The following SEL1L2 variants were observed in gnomAD, a reference collection of about 807,000 sequenced individuals.
SEL1L2 encodes SEL1L2 adaptor subunit of SYVN1 ubiquitin ligase, also known as protein sel-1 homolog 2.
In SEL1L2, 89 loss-of-function variants were observed where a neutral mutation model predicts 98.8. The observed-to-expected ratio is 0.90, with a 90% CI of 0.76 to 1.07. The LOEUF (loss-of-function observed/expected upper bound fraction) is 1.07. Among genes scored for constraint, SEL1L2 ranks in the 50% least tolerant of loss-of-function variants. The probability of loss-of-function intolerance (pLI) is 0.00; values close to 1 mark genes in which losing one functional copy is unlikely to be tolerated. For missense variants in SEL1L2, 788 were observed against 812.0 expected (o/e 0.97, Z 0.36); for synonymous variants, 262 against 278.5 (o/e 0.94, Z 0.59).
rs533909209 is a variant in SEL1L2, at chr20:13,889,303, T to G, written c.550-791A>C. Among the ~76,000 whole-genome samples, 6 of 152,242 alleles carry G rather than the reference T, an allele frequency of 3.9e-5. No individual in the cohort carries two copies. The South Asian group carries it at 1.2e-3, about 32-fold the overall frequency. ...GCCTGGCCATTGTTAATTTATTTTT[T>G]ATACTATAACAGCACCCTTTTACAT... On this transcript the variant is annotated intron_variant, in intron 5 of 19. Transcript: ENST00000284951.
chr20:13,870,196 G>T lies in SEL1L2; in HGVS notation c.1112C>A (p.Ala371Glu). ...AAGACCAAGCCCATGAAGGCCGATT[G>T]CATTGCCCTAGAAGAGTTTTATAAA... ...YFSMAASKGN[A>E]IGLHGLGLLY... Residue 371 changes from alanine to glutamate, a missense_variant, in exon 13 of 20, where the codon GCA becomes GAA. Coordinates refer to ENST00000284951, the MANE Select transcript of SEL1L2 (RefSeq NM_025229.2). The T allele has an allele frequency of 6.2e-7, 1 of 1,610,432 alleles. No individual in the cohort carries two copies. The highest frequency in any genetic ancestry group is 1.1e-5 in the South Asian group (1 of 90,566).
Position 13,946,880 on chromosome 20 carries a change from G to A in SEL1L2, c.114+9196C>T, listed in dbSNP as rs147672884. ...GTGTGTGTGCACTTAGGGTGGTGCT[G>A]ACATGCCAGCTCCCTGCTGCCTCAG... is the stretch of plus-strand genomic sequence containing the variant. On this transcript the variant is annotated intron_variant, in intron 2 of 19. Coordinates refer to ENST00000284951, the MANE Select transcript of SEL1L2 (RefSeq NM_025229.2). Among the ~76,000 whole-genome samples the A allele has an allele frequency of 9.8e-5, 15 of 152,338 alleles. No homozygotes were observed. The East Asian group carries it at 2.9e-3, about 29-fold the overall frequency.
At chr20:13,942,629 A>G (rs2049831893) in intron 2 of SEL1L2, among the ~76,000 whole-genome samples, 1 of 151,222 alleles carries the variant, frequency 6.6e-6, no homozygotes, top group South Asian at 2.1e-4. Context: ...AACATTAAAT[A>G]ATACAAAAAT....
chr20:13,962,177 A>G (rs1014709305), intron 1 of SEL1L2, among the ~76,000 whole-genome samples: 1 of 152,176 alleles, frequency 6.6e-6, no homozygotes, highest in African/African-American at 2.4e-5. Context: ...TGTTACAACA[A>G]TGGCCCCCAG....
chr20:13,884,504 A>T (rs544735980), intron 10 of SEL1L2, among the ~76,000 whole-genome samples: 6 of 147,036 alleles, frequency 4.1e-5, no homozygotes, highest in East Asian at 1.9e-4. Flanking sequence ...TAACTTATTT[A>T]TTTTTTTTAT....
At chr20:13,973,592 G>T (rs1752459771) in intron 1 of SEL1L2, among the ~76,000 whole-genome samples, 1 of 152,320 alleles carries the variant, frequency 6.6e-6, no homozygotes, top group Non-Finnish European at 1.5e-5. Flanking sequence ...CTAGCCATTT[G>T]CAGTAGCATC....
intron 5 of SEL1L2, among the ~76,000 whole-genome samples, chr20:13,897,820 G>A (rs182259382): frequency 3.2e-4 from 48 of 152,064 alleles, no homozygotes; most frequent in Non-Finnish European, 1.3e-4. Context: ...AGCCAAGATC[G>A]TGCCACTGCA....
intron 2 of SEL1L2, among the ~76,000 whole-genome samples, chr20:13,935,411 G>T (rs564221856): frequency 6.6e-6 from 1 of 152,318 alleles, no homozygotes; most frequent in African/African-American, 2.4e-5. Flanking sequence ...TTTAAAAAGG[G>T]TAAGGGGAGG....
chr20:13,974,171 G>A lies in SEL1L2; in HGVS notation c.58+16306C>T, dbSNP rs114538268. ...GGTGCAGGGCTGGGGCCAGGATGGG[G>A]CAAGTCCTGGCTCTGCTCAGGGGCA... is the stretch of plus-strand genomic sequence containing the variant. On this transcript the variant is annotated intron_variant, in intron 1 of 19. Coordinates refer to ENST00000284951, the MANE Select transcript of SEL1L2 (RefSeq NM_025229.2). 2.7e-3 allele frequency among the ~76,000 whole-genome samples: 418 copies of A among 152,290 alleles called. 4 individuals carry two copies. Among genetic ancestry groups the A allele is most frequent in the African/African-American group, 9.8e-3 (407 of 41,572 alleles).
chr20:13,951,397 G>A (rs1465746816), intron 2 of SEL1L2, among the ~76,000 whole-genome samples: 2 of 138,598 alleles, frequency 1.4e-5, no homozygotes, highest in East Asian at 4.5e-4. Flanking sequence ...GATGGATCAC[G>A]AGGTCAGGAG....
At chr20:13,878,357 G>A (rs958018205) in intron 10 of SEL1L2, among the ~76,000 whole-genome samples, 16 of 149,242 alleles carry the variant, frequency 1.1e-4, no homozygotes, top group Non-Finnish European at 2.2e-4. Flanking sequence ...AGGCTGGAGT[G>A]CAGTGGCACG....
At chr20:13,862,756 C>T (rs1242974224) in intron 17 of SEL1L2, among the ~76,000 whole-genome samples, 3 of 151,916 alleles carry the variant, frequency 2.0e-5, no homozygotes, top group South Asian at 2.1e-4. Context: ...GATGTGATCA[C>T]GGCTCACTGC....
At chr20:13,951,720 C>T (rs1311792930) in intron 2 of SEL1L2, among the ~76,000 whole-genome samples, 1 of 141,654 alleles carries the variant, frequency 7.1e-6, no homozygotes, top group Non-Finnish European at 1.5e-5. Flanking sequence ...TGTTTTTTAA[C>T]AAAAATGAGG....
chr20:13,948,605 A>C (rs1173899493), intron 2 of SEL1L2, among the ~76,000 whole-genome samples: 1 of 152,250 alleles, frequency 6.6e-6, no homozygotes, highest in Non-Finnish European at 1.5e-5. Flanking sequence ...AGTTAACTCA[A>C]AATGTATCAA....
Position 13,865,186 on chromosome 20 carries a change from C to T in SEL1L2, c.1626G>A (p.Trp542Ter). 1 of 1,612,960 alleles carries T rather than the reference C, an allele frequency of 6.2e-7. No homozygotes were observed. The highest frequency in any genetic ancestry group is 8.5e-7 in the Non-Finnish European group (1 of 1,179,212). ...EKMYPMALLL[W>*]NRAAIQGNAF... ...CCATACCTTGAATGGCAGCTCGATT[C>T]CATAGGAGAAGCGCCATTGGATACA... Residue 542 changes from tryptophan to a stop codon, truncating the protein, a stop_gained, in exon 17 of 20, where the codon TGG (tryptophan) becomes TGA (stop). Coordinates refer to ENST00000284951, the MANE Select transcript of SEL1L2 (RefSeq NM_025229.2). LOFTEE classifies it high-confidence loss of function.
chr20:13,883,903 G>A (rs908708707), intron 10 of SEL1L2, among the ~76,000 whole-genome samples: 6 of 152,234 alleles, frequency 3.9e-5, no homozygotes, highest in African/African-American at 1.4e-4. Context: ...ATTGCAGGCT[G>A]AAATCTGACA....
At chr20:13,922,568 TA>T (rs2048713095) in intron 3 of SEL1L2, among the ~76,000 whole-genome samples, 1 of 152,188 alleles carries the variant, frequency 6.6e-6, no homozygotes. Flanking sequence ...AATCAGATTT[TA>T]AAAAAAGGAT....
intron 1 of SEL1L2, among the ~76,000 whole-genome samples, chr20:13,972,655 T>C (rs1259871004): frequency 6.6e-6 from 1 of 152,200 alleles, no homozygotes; most frequent in Non-Finnish European, 1.5e-5. Flanking sequence ...ACTTGTTTGA[T>C]TGTCAGATTA....
intron 5 of SEL1L2, among the ~76,000 whole-genome samples, chr20:13,907,676 C>A (rs2047994042): frequency 6.6e-6 from 1 of 151,236 alleles, no homozygotes; most frequent in African/African-American, 2.4e-5. Flanking sequence ...AGTAATTTCT[C>A]TTTTTCTCTT....
Sources: allele counts gnomAD v4.1 joint callset (sites outside exome capture counted in the v4.1 genomes callset), GRCh38; gene constraint gnomAD v4.1.1; transcripts MANE v1.5; gene names NCBI Gene and HGNC (gene_info 2026-07-23, HGNC 2026-07-21).